Variants in RP1 observed in about 807,000 individuals in gnomAD.
The protein encoded by RP1 is oxygen-regulated protein 1.
In RP1, 16 loss-of-function variants were observed where a neutral mutation model predicts 14.8. That is an observed-to-expected ratio of 1.08 (90% CI 0.73 to 1.65). The LOEUF is 1.65. RP1 is among the 40% of genes most tolerant of loss of function. The pLI is 0.00. For synonymous variants in RP1, 876 were observed against 883.6 expected (o/e 0.99, Z 0.15); for missense variants, 2,631 against 2,535.0 (o/e 1.04, Z -0.81).
At chr8:54,608,312 G>C (rs1344620373) in intron 1 of RP1, among the ~76,000 whole-genome samples, 1 of 151,616 alleles carries the variant, frequency 6.6e-6, no homozygotes, top group Non-Finnish European at 1.5e-5. Context: ...CACTTTAAAT[G>C]GGTTAATTTT....
intron 1 of RP1, among the ~76,000 whole-genome samples, chr8:54,606,853 G>C (rs1050050460): frequency 6.6e-6 from 1 of 152,122 alleles, no homozygotes; most frequent in African/African-American, 2.4e-5. Flanking sequence ...TGAGGCTTGT[G>C]CATTCGTCAC....
At chr8:54,589,330 T>G (rs554985526) in intron 1 of RP1, among the ~76,000 whole-genome samples, 20 of 152,292 alleles carry the variant, frequency 1.3e-4, no homozygotes, top group African/African-American at 1.9e-4. Flanking sequence ...TAATTTTTTT[T>G]GGGGGAGAGG....
At chr8:54,851,243 G>A (rs1028632288) in intron 25 of RP1, among the ~76,000 whole-genome samples, 2 of 152,074 alleles carry the variant, frequency 1.3e-5, no homozygotes, top group African/African-American at 4.8e-5. Context: ...GCTGAGTGTT[G>A]CTTTTTGTGC....
At chr8:54,703,793 C>T (rs1280524741) in intron 14 of RP1, among the ~76,000 whole-genome samples, 1 of 152,210 alleles carries the variant, frequency 6.6e-6, no homozygotes, top group Non-Finnish European at 1.5e-5. Context: ...TAACTTGCTA[C>T]AGCTTCTCCA....
chr8:54,839,041 A>G (rs1811731800), intron 25 of RP1, among the ~76,000 whole-genome samples: 1 of 152,180 alleles, frequency 6.6e-6, no homozygotes, highest in Non-Finnish European at 1.5e-5. Flanking sequence ...AGCCATTACC[A>G]TCATCATCAT....
intron 1 of RP1, among the ~76,000 whole-genome samples, chr8:54,564,035 C>T (rs908967329): frequency 1.3e-5 from 2 of 152,160 alleles, no homozygotes; most frequent in Admixed American, 6.5e-5. Context: ...GAGACCGCTG[C>T]GGAGTTGTTG....
intron 24 of RP1, among the ~76,000 whole-genome samples, chr8:54,801,296 G>A (rs1157521434): frequency 6.6e-6 from 1 of 152,146 alleles, no homozygotes; most frequent in Non-Finnish European, 1.5e-5. Flanking sequence ...TTGAGAGGGT[G>A]GGGCAGTTGT....
chr8:54,570,229 G>A (rs1393306124), intron 1 of RP1, among the ~76,000 whole-genome samples: 2 of 152,138 alleles, frequency 1.3e-5, no homozygotes, highest in Non-Finnish European at 2.9e-5. Context: ...GAGGGAGAAG[G>A]AAAGACAGCA....
At chr8:54,630,863 A>C, downstream of RP1, 1 of 983,718 alleles carries the variant, frequency 1.0e-6, no homozygotes, top group South Asian at 4.6e-5. Context: ...CCAGTTCCTC[A>C]GAATATCCAG....
At chr8:54,826,873 C>T (rs1811396268) in intron 24 of RP1, among the ~76,000 whole-genome samples, 1 of 152,226 alleles carries the variant, frequency 6.6e-6, no homozygotes, top group African/African-American at 2.4e-5. Flanking sequence ...TGCACTTGCA[C>T]AAACCTAGAT....
chr8:54,766,435 T>A (rs1809762889), intron 22 of RP1, among the ~76,000 whole-genome samples: 1 of 152,150 alleles, frequency 6.6e-6, no homozygotes, highest in Non-Finnish European at 1.5e-5. Flanking sequence ...CTGCTGCAGA[T>A]TTCTGTGCTC....
chr8:54,813,635 A>C (rs1363171836), intron 24 of RP1, among the ~76,000 whole-genome samples: 1 of 152,218 alleles, frequency 6.6e-6, no homozygotes, highest in Non-Finnish European at 1.5e-5. Context: ...ATATTCTATA[A>C]ATATTTGTGA....
chr8:54,825,228 G>A (rs1811360295), intron 24 of RP1, among the ~76,000 whole-genome samples: 1 of 151,978 alleles, frequency 6.6e-6, no homozygotes, highest in African/African-American at 2.4e-5. Context: ...CAAAGTGCTG[G>A]GATTACAGGC....
chr8:54,704,845 T>TAC (rs58308617), intron 14 of RP1, among the ~76,000 whole-genome samples: 2 of 151,256 alleles, frequency 1.3e-5, no homozygotes, highest in East Asian at 1.9e-4. Flanking sequence ...ATTACATGTA[T>TAC]ACACACACAC....
chr8:54,722,207 C>CAA (rs796358747), intron 16 of RP1, among the ~76,000 whole-genome samples: 20 of 110,370 alleles, frequency 1.8e-4, no homozygotes, highest in African/African-American at 4.5e-4. Flanking sequence ...ACTCTAGCTC[C>CAA]AAAAAAAAAA....
chr8:54,776,810 C>G (rs979956812), intron 23 of RP1, among the ~76,000 whole-genome samples: 7 of 152,192 alleles, frequency 4.6e-5, no homozygotes, highest in African/African-American at 1.7e-4. Context: ...GACTGTCACA[C>G]TCTCCTCCCT....
chr8:54,739,086 C>T (rs1324298631), intron 19 of RP1: 6 of 1,270,638 alleles, frequency 4.7e-6, no homozygotes, highest in Non-Finnish European at 6.5e-6. Flanking sequence ...AAGAAGCAAG[C>T]TGGCTATGTA....
intron 24 of RP1, among the ~76,000 whole-genome samples, chr8:54,799,641 A>AT (rs1810655614): frequency 2.0e-5 from 3 of 151,078 alleles, no homozygotes; most frequent in East Asian, 1.9e-4. Context: ...TATTTATACT[A>AT]TTTTTTCTTT....
At chr8:54,733,832 G>A (rs1407927073) in intron 17 of RP1, among the ~76,000 whole-genome samples, 1 of 152,158 alleles carries the variant, frequency 6.6e-6, no homozygotes. Context: ...GAGACCACAG[G>A]CGAAAGGGAG....
Sources: allele counts gnomAD v4.1 joint callset (sites outside exome capture counted in the v4.1 genomes callset), GRCh38; gene constraint gnomAD v4.1.1; transcripts MANE v1.5; gene names NCBI Gene and HGNC (gene_info 2026-07-23, HGNC 2026-07-21).